REXO1: variants seen among roughly 807,000 people sequenced by gnomAD.
REXO1 encodes the protein REX1, RNA exonuclease 1 homolog.
REXO1 carries 42 observed loss-of-function variants against 102.6 expected under a neutral mutation model. That is an observed-to-expected ratio of 0.41 (90% CI 0.32 to 0.53). REXO1 has a LOEUF of 0.53. REXO1 is among the 20% of genes least tolerant of loss of function. The pLI, the probability that REXO1 is intolerant of heterozygous loss-of-function variation, is 0.27. For missense variants in REXO1, 1,819 were observed against 1,732.5 expected (o/e 1.05, Z -0.89); for synonymous variants, 908 against 779.1 (o/e 1.17, Z -2.76).
At chr19:1,820,137 G>A (rs751335550) in intron 6 of REXO1, 80 bp from the exon 7 acceptor site, 27 of 1,566,838 alleles carry the variant, frequency 1.7e-5, no homozygotes, top group Admixed American at 8.2e-5. Context: ...CCATGGGGTC[G>A]GGGACTTGCA....
In REXO1 at chr19:1,826,265, A is replaced by C. The variant is rs2069716805; in HGVS notation, c.1912-322T>G. Among the ~76,000 whole-genome samples the C allele has an allele frequency of 6.6e-6, 1 of 152,132 alleles. No individual in the cohort carries two copies. The highest frequency in any genetic ancestry group is 6.5e-5 in the Admixed American group (1 of 15,282). On this transcript the variant is annotated intron_variant, in intron 2 of 15. Coordinates refer to ENST00000170168, the MANE Select transcript of REXO1 (RefSeq NM_020695.4). This position sits in a 1 kb window ranked among gnomAD's most constrained non-coding sequence, Gnocchi z 4.3. ...CCGAACCAGCTGCTGCGGGCTGAGC[A>C]CTTGGGCTCAGTCTGTGTGGAGTGA... is the stretch of plus-strand genomic sequence containing the variant.
chr19:1,821,559 G>A lies in REXO1; in HGVS notation c.2354C>T (p.Thr785Ile), dbSNP rs368829792. ...LSGMASKTTT[T>I]IIPKRIAHSP... ...GTGGGCGATTCGCTTAGGGATGATG[G>A]TGGTGGTAGTCTTGGACGCCATCCC... The change falls in exon 5 of 16, where the codon ACC (threonine) becomes ATC (isoleucine). Residue 785 changes from threonine (T) to isoleucine (I), a missense_variant. Thr to Ile is a moderately conservative substitution (Grantham distance 89, BLOSUM62 -1). Coordinates refer to ENST00000170168, the MANE Select transcript of REXO1 (RefSeq NM_020695.4). The A allele has an allele frequency of 5.8e-5, 94 of 1,613,852 alleles. No homozygotes were observed. The Admixed American group carries it at 9.7e-4, about 17-fold the overall frequency.
Position 1,820,324 on chromosome 19 carries a change from G to A in REXO1, c.2466C>T (p.Leu822=). ...KVPTVIRQRY[L]NLFIEECLKF... is the part of the protein sequence containing the mutation. ...TGAGACACTCCTCGATGAACAGGTT[G>A]AGATAGCGCTGGCGGATGACGGTGG... Residue 822 remains leucine, a synonymous_variant, in exon 6 of 16, where the codon CTC becomes CTT. Transcript: ENST00000170168. 1 of 1,613,974 alleles carries A rather than the reference G, an allele frequency of 6.2e-7. No homozygotes were observed. The highest frequency in any genetic ancestry group is 8.5e-7 in the Non-Finnish European group (1 of 1,179,998).
Position 1,816,803 on chromosome 19 carries a change from G to A in REXO1, c.3212C>T (p.Thr1071Ile), listed in dbSNP as rs775762117. The A allele has an allele frequency of 6.8e-6, 11 of 1,612,268 alleles. No individual in the cohort carries two copies. Among genetic ancestry groups the A allele is most frequent in the Admixed American group, 1.7e-5 (1 of 59,966 alleles). ...GACGCGCGTCAGCTCCAGGCCATAT[G>A]TGGTGTAGGACTGCGGGCAAGGGAT... is the stretch of plus-strand genomic sequence containing the variant. ...YALDCEMSYT[T>I]YGLELTRVTV... The change falls in exon 13 of 16, where the codon ACA becomes ATA. Residue 1071 changes from threonine (T) to isoleucine (I), a missense_variant. Physicochemically the swap from Thr to Ile is moderately conservative, Grantham distance 89 (BLOSUM62 -1). Transcript: ENST00000170168.
chr19:1,832,480 G>A (rs1007115355), intron 1 of REXO1, among the ~76,000 whole-genome samples: 5 of 152,240 alleles, frequency 3.3e-5, no homozygotes, highest in African/African-American at 4.8e-5. Context: ...GCCGGGACCC[G>A]GAGGCTGCAG....
chr19:1,835,031 C>T, intron 1 of REXO1: 1 of 400,518 alleles, frequency 2.5e-6, no homozygotes, highest in South Asian at 1.7e-5. Flanking sequence ...TTGCCTGGGG[C>T]TCGGCCATGG....
At chr19:1,821,213 C>T (rs1318040124) in intron 5 of REXO1, among the ~76,000 whole-genome samples, 5 of 151,892 alleles carry the variant, frequency 3.3e-5, no homozygotes, top group Non-Finnish European at 5.9e-5. Flanking sequence ...GGCGTGGTGG[C>T]GGGCGCCTGT....
At chr19:1,841,328 G>A (rs1235477213) in intron 1 of REXO1, among the ~76,000 whole-genome samples, 2 of 152,226 alleles carry the variant, frequency 1.3e-5, no homozygotes, top group East Asian at 1.9e-4. Context: ...AGCGCTCCCC[G>A]GAAACCTGCC....
Position 1,818,923 on chromosome 19 carries a change from C to T in REXO1, c.2765-80G>A, listed in dbSNP as rs557512732. 66 of 1,580,328 alleles carry T rather than the reference C, an allele frequency of 4.2e-5. 1 individual carries two copies. In the East Asian group the frequency reaches 1.4e-3, roughly 34 times the overall value. On this transcript the variant is annotated intron_variant, in intron 8 of 15. Transcript: ENST00000170168. The stretch of plus-strand genomic sequence containing the variant: ...ACACCACCGGGAAAGGCGGCTGGGC[C>T]GGCAGGGGCCCACGAAGCACCGTGT...
chr19:1,819,637 C>G (rs1215295256), intron 7 of REXO1, among the ~76,000 whole-genome samples: 4 of 152,216 alleles, frequency 2.6e-5, no homozygotes, highest in Non-Finnish European at 5.9e-5. Context: ...TCGCCCAGCC[C>G]TGGGCCTCCT....
Position 1,828,468 on chromosome 19 carries a change from C to T in REXO1, c.321G>A (p.Arg107=), listed in dbSNP as rs769696008. The T allele has an allele frequency of 1.1e-5, 17 of 1,607,016 alleles. No individual in the cohort carries two copies. In the East Asian group the frequency reaches 3.3e-4, roughly 32 times the overall value. The part of the protein sequence containing the change: ...AVRSEVELEQ[R]RYRELLETTR... Reference sequence around the variant, plus strand: ...TCGTCTCCAGCAGCTCCCGGTAGCGCCGCTGCTCCAGCTCCACCTCACTGC... The same window carrying T: ...TCGTCTCCAGCAGCTCCCGGTAGCGTCGCTGCTCCAGCTCCACCTCACTGC... Residue 107 remains arginine (R), a synonymous_variant, in exon 2 of 16, where the codon CGG becomes CGA. Coordinates refer to ENST00000170168, the MANE Select transcript of REXO1 (RefSeq NM_020695.4).
Position 1,816,135 on chromosome 19 carries a change from G to A in REXO1, c.3597C>T (p.Ser1199=), listed in dbSNP as rs34012959. The A allele has an allele frequency of 1.5e-3, 2,274 of 1,550,552 alleles. 7 individuals are homozygous for A. In the African/African-American group the frequency reaches 0.016, roughly 11 times the overall value. The change falls in exon 16 of 16, where the codon AGC becomes AGT. Residue 1199 remains serine, a synonymous_variant. Transcript: ENST00000170168. ...IQDNVDGHSS[S]EDAGACMHLV... ...GGTGCATGCAGGCGCCGGCGTCCTC[G>A]CTGGAGCTGTGCCCATCCACTGCGG... is the stretch of plus-strand genomic sequence containing the variant.
intron 1 of REXO1, among the ~76,000 whole-genome samples, chr19:1,845,594 G>A (rs145331729): frequency 3.3e-5 from 5 of 152,304 alleles, no homozygotes; most frequent in African/African-American, 9.6e-5. Flanking sequence ...AGTCCAGGAG[G>A]TCGAGGCTGC....
chr19:1,842,044 C>G (rs2011308193), intron 1 of REXO1, among the ~76,000 whole-genome samples: 1 of 152,148 alleles, frequency 6.6e-6, no homozygotes, highest in Admixed American at 6.5e-5. Context: ...AACCCCATCT[C>G]TACTAAAAAT....
At chr19:1,843,903 G>A (rs2011416896) in intron 1 of REXO1, among the ~76,000 whole-genome samples, 2 of 152,242 alleles carry the variant, frequency 1.3e-5, no homozygotes, top group South Asian at 2.1e-4. Context: ...AGAGGCCAGA[G>A]GAAATGAAGG....
intron 6 of REXO1, 46 bp from the exon 7 acceptor site, chr19:1,820,103 C>G: frequency 6.3e-7 from 1 of 1,580,984 alleles, no homozygotes; most frequent in African/African-American, 1.4e-5. Flanking sequence ...TGCCTGGTGC[C>G]GGGGAGCCCC....
At chr19:1,842,603 C>G (rs547004772) in intron 1 of REXO1, among the ~76,000 whole-genome samples, 1 of 152,238 alleles carries the variant, frequency 6.6e-6, no homozygotes, top group Non-Finnish European at 1.5e-5. Context: ...CCAGGCGCTC[C>G]GGAAGTCAGG....
chr19:1,824,078 C>G (rs951718232), intron 3 of REXO1: 3 of 347,006 alleles, frequency 8.6e-6, no homozygotes, highest in African/African-American at 4.2e-5. Context: ...GCACTCCAAT[C>G]CAATCCCACT....
Position 1,848,297 on chromosome 19 carries a change from C to T in REXO1, c.62G>A (p.Gly21Glu). Reference sequence around the variant, plus strand: ...GCAGTAGGGCCGCCGGCAGGGCCCCCCGGGCGCCCCAGACCAATAGGGGCA... The same window carrying T: ...GCAGTAGGGCCGCCGGCAGGGCCCCTCGGGCGCCCCAGACCAATAGGGGCA... Reference protein sequence around the residue: ...IDCPYWSGAPGGPCRRPYCHF... With the variant: ...IDCPYWSGAPEGPCRRPYCHF... The change falls in exon 1 of 16, where the codon GGG becomes GAG. Residue 21 changes from glycine (G) to glutamate (E), a missense_variant. Physicochemically the swap from Gly to Glu is moderately conservative, Grantham distance 98. Transcript: ENST00000170168. The T allele has an allele frequency of 8.1e-7, 1 of 1,232,032 alleles. No homozygotes were observed. The highest frequency in any genetic ancestry group is 1.0e-6 in the Non-Finnish European group (1 of 981,642). 76.3% of individuals were successfully genotyped at this position (1,232,032 alleles called of 1,614,324 possible).
Sources: gnomAD v4.1 joint callset for allele counts (sites outside exome capture counted in the v4.1 genomes callset) on GRCh38, gnomAD v4.1.1 for gene constraint, Gnocchi (gnomAD v3.1) non-coding constraint, MANE v1.5 for transcripts, NCBI Gene and HGNC (gene_info 2026-07-23, HGNC 2026-07-21) for gene names.